CIDEA: variants seen among roughly 807,000 people sequenced by gnomAD.
CIDEA encodes lipid transferase CIDEA.
CIDEA carries 10 observed loss-of-function variants against 18.2 expected under a neutral mutation model. The observed-to-expected ratio is 0.55, with a 90% CI of 0.34 to 0.93. CIDEA has a LOEUF of 0.93. Among genes scored for constraint, CIDEA ranks in the 40% least tolerant of loss-of-function variants. CIDEA has a pLI of 0.02. For missense variants in CIDEA, 309 were observed against 293.1 expected (o/e 1.05, Z -0.40); for synonymous variants, 128 against 124.8 (o/e 1.03, Z -0.17).
At chr18:12,275,249 G>T (rs1459381168) in intron 4 of CIDEA, among the ~76,000 whole-genome samples, 2 of 152,190 alleles carry the variant, frequency 1.3e-5, no homozygotes, top group African/African-American at 4.8e-5. Flanking sequence ...TTTAACCCCA[G>T]GAGGCGGAGG....
intron 3 of CIDEA, among the ~76,000 whole-genome samples, chr18:12,272,161 GT>G (rs1568105834): frequency 3.0e-3 from 40 of 13,166 alleles, no homozygotes; most frequent in Non-Finnish European, 4.1e-3. Context: ...GGGGGGGGGG[GT>G]TGGGGGGGGG....
intron 1 of CIDEA, among the ~76,000 whole-genome samples, chr18:12,260,111 T>A (rs1296792933): frequency 2.0e-5 from 3 of 152,162 alleles, no homozygotes; most frequent in Non-Finnish European, 4.4e-5. Flanking sequence ...GCTGGTAGCG[T>A]GAACTCAACA....
Position 12,264,326 on chromosome 18 carries a change from T to A in CIDEA, c.203T>A (p.Ile68Asn). The change falls in exon 3 of 5, where the codon ATC becomes AAC. Residue 68 changes from isoleucine (I) to asparagine (N), a missense_variant. Coordinates refer to ENST00000320477, the MANE Select transcript of CIDEA (RefSeq NM_001279.4). Reference protein sequence around the residue: ...LISKTLDALVIATGLVTLVLE... With the variant: ...LISKTLDALVNATGLVTLVLE... ...ACCTAGACTCTGGATGCCCTCGTCA[T>A]CGCTACCGGACTGGTCACTCTGGTG... The A allele has an allele frequency of 6.2e-7, 1 of 1,608,124 alleles. No individual in the cohort carries two copies.
intron 2 of CIDEA, 131 bp downstream of exon 2, chr18:12,263,100 C>T (rs73413090): frequency 1.8e-5 from 16 of 898,444 alleles, no homozygotes; most frequent in Middle Eastern, 3.5e-4. Flanking sequence ...TGGGGGGAAA[C>T]GGGGAGAGAA....
intron 1 of CIDEA, among the ~76,000 whole-genome samples, chr18:12,257,861 A>G (rs984962434): frequency 2.8e-4 from 42 of 152,196 alleles, no homozygotes; most frequent in African/African-American, 8.9e-4. Context: ...GCTGATGGCC[A>G]GTGATAGAGA....
chr18:12,258,840 AC>A (rs1357337443), intron 1 of CIDEA, among the ~76,000 whole-genome samples: 1 of 151,904 alleles, frequency 6.6e-6, no homozygotes, highest in Non-Finnish European at 1.5e-5. Flanking sequence ...CCTTTCTGTC[AC>A]CCTCCTTGAG....
rs1163936220 is a variant in CIDEA at position 12,277,441 on chromosome 18, G to A, written c.*171G>A. ...AGGGCTTGGTGGTACATGAAGTGGG[G>A]GCAGTGGGCAGGGTGCCCTGGGGGG... On this transcript the variant is annotated 3_prime_UTR_variant, in exon 5 of 5. Coordinates refer to ENST00000320477, the MANE Select transcript of CIDEA (RefSeq NM_001279.4). The A allele has an allele frequency of 6.6e-6, 5 of 761,692 alleles. No individual in the cohort carries two copies. Among genetic ancestry groups the A allele is most frequent in the Non-Finnish European group, 8.3e-6 (4 of 483,716 alleles). 47.2% of individuals were successfully genotyped at this position (761,692 alleles called of 1,614,324 possible). A position where few individuals can be genotyped will look rare whatever the true frequency, so the allele number is the denominator to read the frequency against.
chr18:12,257,997 C>A (rs747933223), intron 1 of CIDEA, among the ~76,000 whole-genome samples: 1 of 152,182 alleles, frequency 6.6e-6, no homozygotes, highest in Non-Finnish European at 1.5e-5. Context: ...TCATTCAACC[C>A]CTTTCTGTGT....
intron 3 of CIDEA, among the ~76,000 whole-genome samples, chr18:12,268,000 C>T (rs180703758): frequency 2.0e-5 from 3 of 152,290 alleles, no homozygotes; most frequent in East Asian, 3.9e-4. Context: ...TCGTTAGTGT[C>T]AAGGTCGAGA....
At chr18:12,273,767 G>A (rs1912617079) in intron 3 of CIDEA, among the ~76,000 whole-genome samples, 1 of 152,188 alleles carries the variant, frequency 6.6e-6, no homozygotes, top group South Asian at 2.1e-4. Flanking sequence ...GTGGCCTCCA[G>A]GGCGAGTGGG....
intron 4 of CIDEA, 147 bp from the exon 5 acceptor site, chr18:12,276,976 C>A: frequency 1.1e-6 from 1 of 885,872 alleles, no homozygotes; most frequent in Non-Finnish European, 1.8e-6. Context: ...GACACGTGCA[C>A]TCTGAGAGTC....
At chr18:12,259,346 T>G (rs1386368924) in intron 1 of CIDEA, among the ~76,000 whole-genome samples, 1 of 152,230 alleles carries the variant, frequency 6.6e-6, no homozygotes, top group African/African-American at 2.4e-5. Flanking sequence ...TCTAGATAGA[T>G]GTTTATTGCT....
At chr18:12,259,663 A>T (rs1038255804) in intron 1 of CIDEA, among the ~76,000 whole-genome samples, 8 of 152,176 alleles carry the variant, frequency 5.3e-5, no homozygotes, top group Non-Finnish European at 1.0e-4. Context: ...AGTTGGAGAC[A>T]AGCCTGAACA....
chr18:12,264,796 G>T (rs931475179), intron 3 of CIDEA, among the ~76,000 whole-genome samples: 5 of 151,976 alleles, frequency 3.3e-5, no homozygotes, highest in Non-Finnish European at 5.9e-5. Context: ...CTCGCGATCC[G>T]CCCGCCTCTG....
intron 1 of CIDEA, among the ~76,000 whole-genome samples, chr18:12,258,398 T>C (rs576277935): frequency 7.8e-4 from 119 of 152,354 alleles, no homozygotes; most frequent in African/African-American, 2.6e-3. Flanking sequence ...GGGCTGGACC[T>C]AGCATTGGAA....
chr18:12,257,367 A>T (rs1280880007), intron 1 of CIDEA, among the ~76,000 whole-genome samples: 1 of 152,016 alleles, frequency 6.6e-6, no homozygotes, highest in Non-Finnish European at 1.5e-5. Flanking sequence ...CCCCTCACCC[A>T]TGACACCAAA....
intron 3 of CIDEA, among the ~76,000 whole-genome samples, chr18:12,266,060 C>T (rs1257028827): frequency 6.6e-6 from 1 of 151,958 alleles, no homozygotes; most frequent in Non-Finnish European, 1.5e-5. Context: ...CCAATCTCCA[C>T]CAAAAAAAAT....
chr18:12,273,977 C>G, intron 3 of CIDEA, 116 bp from the exon 4 acceptor site: 3 of 1,094,494 alleles, frequency 2.7e-6, no homozygotes, highest in Non-Finnish European at 3.9e-6. Flanking sequence ...GCCACGGAGC[C>G]GCTCACAGAC....
At chr18:12,254,616 G>A in intron 1 of CIDEA, 195 bp downstream of exon 1, 5 of 1,517,036 alleles carry the variant, frequency 3.3e-6, no homozygotes, top group South Asian at 1.2e-5. Context: ...AGCCGCGCCC[G>A]CGGGCAGAGC....
Sources: gnomAD v4.1 joint callset for allele counts (sites outside exome capture counted in the v4.1 genomes callset) on GRCh38, gnomAD v4.1.1 for gene constraint, MANE v1.5 for transcripts, NCBI Gene and HGNC (gene_info 2026-07-23, HGNC 2026-07-21) for gene names.